The following CHN2 variants were observed in gnomAD, a reference collection of about 807,000 sequenced individuals.
CHN2 encodes the protein beta-chimaerin.
In CHN2, 35 loss-of-function variants were observed where a neutral mutation model predicts 56.3. The observed-to-expected ratio is 0.62, with a 90% CI of 0.47 to 0.82. CHN2 has a LOEUF of 0.82. Among genes scored for constraint, CHN2 ranks in the 40% least tolerant of loss-of-function variants. CHN2 has a pLI of 0.00. For missense variants in CHN2, 491 were observed against 580.5 expected, an observed-to-expected ratio of 0.85 and a Z score of 1.58; for synonymous variants, 210 against 212.8, an observed-to-expected ratio of 0.99 and a Z score of 0.12.
intron 1 of CHN2, among the ~76,000 whole-genome samples, chr7:29,299,858 A>G (rs538530552): frequency 1.5e-4 from 23 of 152,346 alleles, no homozygotes; most frequent in African/African-American, 5.1e-4. Flanking sequence ...AGATAAAAGC[A>G]TAAGTTCCCG....
intron 8 of CHN2, among the ~76,000 whole-genome samples, chr7:29,499,418 C>A (rs554315126): frequency 6.6e-5 from 10 of 152,160 alleles, no homozygotes; most frequent in Admixed American, 4.6e-4. Flanking sequence ...ATTAGAGAGT[C>A]CTGCAGAAAG....
intron 1 of CHN2, among the ~76,000 whole-genome samples, chr7:29,329,226 G>T (rs1258638714): frequency 6.6e-6 from 1 of 152,006 alleles, no homozygotes; most frequent in Non-Finnish European, 1.5e-5. Flanking sequence ...AATGGCTTCT[G>T]TTTCTACTGA....
intron 1 of CHN2, among the ~76,000 whole-genome samples, chr7:29,299,439 A>G (rs181812804): frequency 6.6e-6 from 1 of 152,202 alleles, no homozygotes; most frequent in Admixed American, 6.5e-5. Context: ...GTTGAGTTTC[A>G]TTTTGGGGAG....
intron 1 of CHN2, among the ~76,000 whole-genome samples, chr7:29,258,559 C>G (rs1188499706): frequency 6.6e-6 from 1 of 152,166 alleles, no homozygotes; most frequent in Non-Finnish European, 1.5e-5. Flanking sequence ...GAATGTCTAG[C>G]TCCTCCAAAG....
rs565838656 is a variant in CHN2 at position 29,398,252 on chromosome 7, T to C, written c.177-121T>C. ...TAAGATGGGCAGTAGTCACCCCCCT[T>C]CTTCACTCAGTTGTGGGGCTGTCGA... On this transcript the variant is annotated intron_variant, in intron 4 of 12. Transcript: ENST00000222792. 1.1e-3 allele frequency: 746 copies of C among 701,122 alleles called. 3 individuals carry two copies. The African/African-American group carries it at 0.011, about 11-fold the overall frequency. 43.4% of individuals were successfully genotyped at this position (701,122 alleles called of 1,614,324 possible).
chr7:29,200,567 T>G (rs1342378721), intron 1 of CHN2: 1 of 150,920 alleles, frequency 6.6e-6, no homozygotes, highest in Non-Finnish European at 1.5e-5. Flanking sequence ...TTTGGTTTTC[T>G]TTACTGTTCG....
intron 1 of CHN2, among the ~76,000 whole-genome samples, chr7:29,307,629 A>G (rs11531492): frequency 0.27 from 41,327 of 152,134 alleles, 5,755 homozygotes; most frequent in Non-Finnish European, 0.31. Flanking sequence ...AGAGTGTGAG[A>G]GTCAGAGAGT....
intron 1 of CHN2, among the ~76,000 whole-genome samples, chr7:29,343,538 A>T (rs1294347242): frequency 6.6e-6 from 1 of 150,802 alleles, no homozygotes; most frequent in Admixed American, 6.6e-5. Flanking sequence ...GTCATGAGAA[A>T]CCCCCATGTT....
At chr7:29,462,670 C>G (rs1264586949) in intron 6 of CHN2, among the ~76,000 whole-genome samples, 4 of 152,158 alleles carry the variant, frequency 2.6e-5, no homozygotes. Context: ...CAGCTCATGG[C>G]TCCAATGCAA....
chr7:29,249,271 G>A (rs1788305944), intron 1 of CHN2, among the ~76,000 whole-genome samples: 1 of 152,210 alleles, frequency 6.6e-6, no homozygotes. Context: ...CTGAGAACCG[G>A]CGGGGCTGCT....
rs1004663717 is a variant in CHN2, at chr7:29,461,211, T to C, written c.577-19068T>C. Among the ~76,000 whole-genome samples, 5 of 152,202 alleles carry C rather than the reference T, an allele frequency of 3.3e-5. No homozygotes were observed. In the East Asian group the frequency reaches 9.6e-4, roughly 29 times the overall value. On this transcript the variant is annotated intron_variant, in intron 6 of 12. Transcript: ENST00000222792. Reference sequence around the variant, plus strand: ...TCTCTATTCATTTAGAAACATGTAATGTATGCTACACAGCCAGGCAGTGTG... The same window carrying C: ...TCTCTATTCATTTAGAAACATGTAACGTATGCTACACAGCCAGGCAGTGTG...
intron 6 of CHN2, among the ~76,000 whole-genome samples, chr7:29,455,171 C>T (rs1784661165): frequency 6.6e-6 from 1 of 152,046 alleles, no homozygotes; most frequent in Non-Finnish European, 1.5e-5. Flanking sequence ...ACATTTTGAG[C>T]CAATTCCAGC....
chr7:29,171,856 G>A (rs17157604), intron 2 of CHN2, among the ~76,000 whole-genome samples: 17,890 of 152,140 alleles, frequency 0.12, 1,228 homozygotes, highest in African/African-American at 0.18. Flanking sequence ...CAAGCATGCC[G>A]TCACATATAG....
chr7:29,170,811 C>T (rs777353389), intron 2 of CHN2, among the ~76,000 whole-genome samples: 2 of 152,008 alleles, frequency 1.3e-5, no homozygotes, highest in Non-Finnish European at 2.9e-5. Context: ...TGGCGGAAGG[C>T]GAGGAGGAGC....
chr7:29,369,436 CT>C (rs1164881025), intron 3 of CHN2, among the ~76,000 whole-genome samples: 1 of 152,076 alleles, frequency 6.6e-6, no homozygotes, highest in Admixed American at 6.5e-5. Context: ...TATGGAGAGC[CT>C]ACTGTATTTC....
intron 7 of CHN2, among the ~76,000 whole-genome samples, chr7:29,489,248 T>C (rs1446374456): frequency 6.6e-6 from 1 of 152,220 alleles, no homozygotes; most frequent in Non-Finnish European, 1.5e-5. Context: ...TTGTTTGGTG[T>C]GGTTTTTGAA....
chr7:29,375,190 C>CTTTTTTTTTTTTTTTTTTTT (rs70980534), intron 3 of CHN2, among the ~76,000 whole-genome samples: 1 of 77,908 alleles, frequency 1.3e-5, no homozygotes, highest in Non-Finnish European at 2.3e-5. Context: ...GTGCTCGGCC[C>CTTTTTTTTTTTTTTTTTTTT]TTTTTTTTTT....
intron 7 of CHN2, among the ~76,000 whole-genome samples, chr7:29,490,902 G>T (rs1788593399): frequency 6.6e-6 from 1 of 152,130 alleles, no homozygotes; most frequent in Admixed American, 6.5e-5. Flanking sequence ...TCTTTGAATG[G>T]CTGGATATGA....
At chr7:29,440,496 G>C (rs1783558695) in intron 6 of CHN2, among the ~76,000 whole-genome samples, 1 of 151,908 alleles carries the variant, frequency 6.6e-6, no homozygotes, top group Non-Finnish European at 1.5e-5. Flanking sequence ...TTCGAGACAA[G>C]CCTGACCAAC....
Sources: gnomAD v4.1 joint callset for allele counts (sites outside exome capture counted in the v4.1 genomes callset) on GRCh38, gnomAD v4.1.1 for gene constraint, MANE v1.5 for transcripts, NCBI Gene and HGNC (gene_info 2026-07-23, HGNC 2026-07-21) for gene names.